Variants in WDR20 observed in about 807,000 individuals in gnomAD.
WDR20 encodes WD repeat domain 20.
Under a neutral mutation model 38.7 loss-of-function variants are expected in WDR20, and 3 were observed. The ratio of observed to expected loss-of-function variants is 0.08; its 90% confidence interval spans 0.04 to 0.20. WDR20 has a LOEUF of 0.20. Among genes scored for constraint, WDR20 ranks in the 10% least tolerant of loss-of-function variants. The probability of loss-of-function intolerance (pLI) is 1.00; values close to 1 mark genes in which losing one functional copy is unlikely to be tolerated. For missense variants in WDR20, 559 were observed against 727.7 expected (o/e 0.77, Z 2.67); for synonymous variants, 298 against 285.6 (o/e 1.04, Z -0.44).
chr14:102,218,896 G>T (rs2063548772), downstream of WDR20, among the ~76,000 whole-genome samples: 1 of 152,228 alleles, frequency 6.6e-6, no homozygotes, highest in South Asian at 2.1e-4. Context: ...GCTGAGCACA[G>T]GTGAAGCGTG....
chr14:102,171,398 G>A (rs1044898308), intron 1 of WDR20: 10 of 151,302 alleles, frequency 6.6e-5, no homozygotes, highest in Admixed American at 5.3e-4. Flanking sequence ...TGAGTAGCTG[G>A]GACTACAGGC....
At chr14:102,161,404 C>T (rs1356184150) in intron 1 of WDR20, among the ~76,000 whole-genome samples, 1 of 151,044 alleles carries the variant, frequency 6.6e-6, no homozygotes, top group African/African-American at 2.4e-5. Flanking sequence ...GCTTCAGCCT[C>T]CTGGTCTCAA....
chr14:102,206,002 A>G (rs1307404118), intron 2 of WDR20, among the ~76,000 whole-genome samples: 1 of 151,992 alleles, frequency 6.6e-6, no homozygotes, highest in Non-Finnish European at 1.5e-5. Flanking sequence ...GTTTCTTTTG[A>G]GATGGAGTCT....
At chr14:102,147,700 T>G (rs1345787358) in intron 1 of WDR20, among the ~76,000 whole-genome samples, 1 of 150,746 alleles carries the variant, frequency 6.6e-6, no homozygotes, top group Non-Finnish European at 1.5e-5. Context: ...TTTGGCTGTA[T>G]GGCTAAAGAA....
chr14:102,156,766 G>A (rs1595965087), intron 1 of WDR20, among the ~76,000 whole-genome samples: 4 of 152,176 alleles, frequency 2.6e-5, no homozygotes, highest in African/African-American at 9.6e-5. Flanking sequence ...GAAGGCTGAG[G>A]TGGGCGGATT....
chr14:102,202,604 T>A (rs944013375), intron 2 of WDR20, among the ~76,000 whole-genome samples: 3 of 151,888 alleles, frequency 2.0e-5, no homozygotes, highest in Non-Finnish European at 4.4e-5. Context: ...ATGGTCTCGA[T>A]CTCCTGACCT....
At chr14:102,219,612 C>T (rs889794857), downstream of WDR20, among the ~76,000 whole-genome samples, 13 of 152,214 alleles carry the variant, frequency 8.5e-5, no homozygotes, top group Admixed American at 7.2e-4. Flanking sequence ...TTTGCTCTGA[C>T]GGGCGGGCTC....
intron 2 of WDR20, among the ~76,000 whole-genome samples, chr14:102,203,845 C>T (rs888268558): frequency 6.6e-6 from 1 of 151,934 alleles, no homozygotes; most frequent in Non-Finnish European, 1.5e-5. Context: ...TAGACTTTTT[C>T]TGAAACAAAA....
At chr14:102,145,053 A>C (rs867230303) in intron 1 of WDR20, among the ~76,000 whole-genome samples, 1 of 152,148 alleles carries the variant, frequency 6.6e-6, no homozygotes, top group African/African-American at 2.4e-5. Flanking sequence ...TGATGATCCA[A>C]CTGTGCCTTC....
rs568363797 is a variant in WDR20, at chr14:102,152,745, C to A, written c.249+12573C>A. 5.8e-4 allele frequency among the ~76,000 whole-genome samples: 88 copies of A among 152,228 alleles called. 1 individual carries two copies. The highest frequency in any genetic ancestry group is 2.0e-3 in the African/African-American group (85 of 41,550). ...ATCTCGTTAAATCTTTGCAAATAAT[C>A]TTATAAAGTAGACACTATTAGTATC... On this transcript the variant is annotated intron_variant, in intron 1 of 2. Coordinates refer to ENST00000342702, the MANE Select transcript of WDR20 (RefSeq NM_144574.4).
At chr14:102,139,797 C>T (rs2050235011), upstream of WDR20, 2 of 1,419,162 alleles carry the variant, frequency 1.4e-6, no homozygotes, top group African/African-American at 1.4e-5. Flanking sequence ...CCTCGCAGGG[C>T]TGGCCCGCGG....
intron 1 of WDR20, among the ~76,000 whole-genome samples, chr14:102,147,585 A>G (rs1168130301): frequency 6.6e-6 from 1 of 152,154 alleles, no homozygotes; most frequent in Non-Finnish European, 1.5e-5. Context: ...CTTATACGAT[A>G]TTTATTATCA....
At chr14:102,201,089 C>T (rs1165399084) in intron 2 of WDR20, among the ~76,000 whole-genome samples, 1 of 152,226 alleles carries the variant, frequency 6.6e-6, no homozygotes, top group Non-Finnish European at 1.5e-5. Flanking sequence ...TGATCTACTC[C>T]TTAAAGCTTG....
At chr14:102,141,494 T>A (rs922942870) in intron 1 of WDR20, among the ~76,000 whole-genome samples, 1 of 152,192 alleles carries the variant, frequency 6.6e-6, no homozygotes, top group Non-Finnish European at 1.5e-5. Flanking sequence ...TGACCTTTTT[T>A]TTTTCCTCGT....
rs1043181247 is a variant in WDR20 at position 102,222,601 on chromosome 14, A to G, written c.1693-229A>G. On this transcript the variant is annotated intron_variant, in intron 3 of 3. Transcript: ENST00000335263. The surrounding 1 kb of genome is among the most constrained non-coding windows in gnomAD (Gnocchi z 4.4). ...CCAGCCCTGCCCGCCCTTCTCTTGG[A>G]CGGTATTGAGGCCACAGTATTGCAC... 1.3e-5 allele frequency among the ~76,000 whole-genome samples: 2 copies of G among 152,112 alleles called. No homozygotes were observed. The highest frequency in any genetic ancestry group is 2.9e-5 in the Non-Finnish European group (2 of 67,996).
Position 102,150,411 on chromosome 14 carries a change from G to A in WDR20, c.249+10239G>A, listed in dbSNP as rs889146536. Among the ~76,000 whole-genome samples, 7 of 152,114 alleles carry A rather than the reference G, an allele frequency of 4.6e-5. No homozygotes were observed. The South Asian group carries it at 8.3e-4, about 18-fold the overall frequency. On this transcript the variant is annotated intron_variant, in intron 1 of 2. Coordinates refer to ENST00000342702, the MANE Select transcript of WDR20 (RefSeq NM_144574.4). Reference sequence around the variant, plus strand: ...TGCTTGAGCCCAGGGTGGGGAGGTCGAGGCTGCACTGTGATTGAGCCACTG... The same window carrying A: ...TGCTTGAGCCCAGGGTGGGGAGGTCAAGGCTGCACTGTGATTGAGCCACTG...
chr14:102,215,437 T>C (rs2063102459), downstream of WDR20, among the ~76,000 whole-genome samples: 1 of 152,174 alleles, frequency 6.6e-6, no homozygotes. Context: ...GTGGAGAAGG[T>C]AGCGGCTGGT....
In WDR20 at chr14:102,148,669, T is replaced by TTGTGTGTGTGTGTGTG. The variant is rs10525828; in HGVS notation, c.249+8521_249+8536dup. Among the ~76,000 whole-genome samples, 35 of 144,938 alleles carry TTGTGTGTGTGTGTGTG rather than the reference T, an allele frequency of 2.4e-4. No individual in the cohort carries two copies. In the Middle Eastern group the frequency reaches 0.011, roughly 45 times the overall value. ...ACTCCTGTCTTTAAAGAGTTTGGCT[T>TTGTGTGTGTGTGTGTG]TGTGTGTGTGTGTGTGTGTGTGTGT... On this transcript the variant is annotated intron_variant, in intron 1 of 2. Transcript: ENST00000342702.
At chr14:102,192,803 A>G (rs1213262735) in intron 1 of WDR20, among the ~76,000 whole-genome samples, 3 of 151,930 alleles carry the variant, frequency 2.0e-5, no homozygotes, top group Non-Finnish European at 2.9e-5. Context: ...CTTTCAGGGG[A>G]AAGTTCCCTA....
Sources: allele counts gnomAD v4.1 joint callset (sites outside exome capture counted in the v4.1 genomes callset), GRCh38; gene constraint gnomAD v4.1.1; non-coding constraint Gnocchi (gnomAD v3.1); transcripts MANE v1.5; gene names NCBI Gene and HGNC (gene_info 2026-07-23, HGNC 2026-07-21).